The following KCMF1 variants were observed in gnomAD, a reference collection of about 807,000 sequenced individuals.
KCMF1 encodes the protein potassium channel modulatory factor 1, also known as E3 ubiquitin-protein ligase KCMF1.
In KCMF1, 3 loss-of-function variants were observed where a neutral mutation model predicts 41.1. The observed-to-expected ratio is 0.07, with a 90% CI of 0.03 to 0.19. The LOEUF (loss-of-function observed/expected upper bound fraction) is 0.19, where lower values mean the gene tolerates loss of function less well. Ranked by LOEUF, KCMF1 falls within the 10% of genes least tolerant of loss-of-function variation. The pLI, the probability that KCMF1 is intolerant of heterozygous loss-of-function variation, is 1.00. For missense variants in KCMF1, 286 were observed against 488.9 expected, an observed-to-expected ratio of 0.58 and a Z score of 3.91; for synonymous variants, 142 against 164.5, an observed-to-expected ratio of 0.86 and a Z score of 1.04.
intron 1 of KCMF1, among the ~76,000 whole-genome samples, chr2:85,017,103 CAAGCTCCG>C (rs1674790471): frequency 6.7e-6 from 1 of 148,844 alleles, no homozygotes; most frequent in Admixed American, 6.8e-5. Flanking sequence ...CGGCTCACTG[CAAGCTCCG>C]CTTCCCGGGT....
At chr2:84,983,446 TCTC>T (rs1673816251) in intron 1 of KCMF1, among the ~76,000 whole-genome samples, 1 of 151,994 alleles carries the variant, frequency 6.6e-6, no homozygotes, top group Admixed American at 6.6e-5. Context: ...CATACCTCAA[TCTC>T]CTGAGTGGAT....
chr2:85,005,013 T>G (rs1247539137), intron 1 of KCMF1, among the ~76,000 whole-genome samples: 2 of 152,056 alleles, frequency 1.3e-5, no homozygotes, highest in Non-Finnish European at 2.9e-5. Flanking sequence ...TTCAAGTGAT[T>G]CTTCTGCCTC....
rs572862698 is a variant in KCMF1 at position 84,982,834 on chromosome 2, C to T, written c.16+11367C>T. Among the ~76,000 whole-genome samples, 7 of 152,156 alleles carry T rather than the reference C, an allele frequency of 4.6e-5. No individual in the cohort carries two copies. The South Asian group carries it at 1.0e-3, about 23-fold the overall frequency. Reference sequence around the variant, plus strand: ...TTAGGGATTTGTATGTAGTTAATTGCGGTTCTAAGTCAATGTAAATTATAC... The same window carrying T: ...TTAGGGATTTGTATGTAGTTAATTGTGGTTCTAAGTCAATGTAAATTATAC... On this transcript the variant is annotated intron_variant, in intron 1 of 6. Transcript: ENST00000409785.
chr2:85,038,068 TTAAAAG>T (rs766214878), intron 3 of KCMF1, among the ~76,000 whole-genome samples: 1 of 152,244 alleles, frequency 6.6e-6, no homozygotes, highest in Non-Finnish European at 1.5e-5. Context: ...AGAACCATGT[TTAAAAG>T]TAAAACATAA....
chr2:84,991,302 G>T (rs967543739), intron 1 of KCMF1, among the ~76,000 whole-genome samples: 2 of 152,172 alleles, frequency 1.3e-5, no homozygotes, highest in African/African-American at 4.8e-5. Flanking sequence ...CAAGAGTTCT[G>T]TTTCAGGCGT....
intron 1 of KCMF1, among the ~76,000 whole-genome samples, chr2:85,027,439 G>A (rs1193457950): frequency 7.1e-6 from 1 of 140,054 alleles, no homozygotes; most frequent in East Asian, 2.3e-4. Flanking sequence ...GCAGTGGCGC[G>A]ATCTCAGCTC....
intron 1 of KCMF1, among the ~76,000 whole-genome samples, chr2:84,977,946 G>A (rs1167610625): frequency 6.6e-6 from 1 of 151,438 alleles, no homozygotes; most frequent in Non-Finnish European, 1.5e-5. Flanking sequence ...TTTCAAATTG[G>A]GAACTCAATT....
At chr2:85,013,723 G>A (rs1182415175) in intron 1 of KCMF1, among the ~76,000 whole-genome samples, 2 of 150,456 alleles carry the variant, frequency 1.3e-5, no homozygotes, top group Non-Finnish European at 3.0e-5. Context: ...ACTTGACCGC[G>A]GGAGGCAGAA....
intron 2 of KCMF1, among the ~76,000 whole-genome samples, chr2:85,033,780 A>C (rs965415733): frequency 6.6e-6 from 1 of 152,220 alleles, no homozygotes; most frequent in Non-Finnish European, 1.5e-5. Context: ...AAACCATAGC[A>C]ATTACCTACT....
rs1675964774 is a variant in KCMF1 at position 85,057,546 on chromosome 2, A to G, written c.*4137A>G. 6.6e-6 allele frequency: 1 copy of G among 152,250 alleles called. No homozygotes were observed. Among genetic ancestry groups the G allele is most frequent in the African/African-American group, 2.4e-5 (1 of 41,458 alleles). 9.4% of individuals were successfully genotyped at this position (152,250 alleles called of 1,614,324 possible). A position where few individuals can be genotyped will look rare whatever the true frequency, so the allele number is the denominator to read the frequency against. On this transcript the variant is annotated 3_prime_UTR_variant, in exon 7 of 7. Coordinates refer to ENST00000409785, the MANE Select transcript of KCMF1 (RefSeq NM_020122.5). ...AAACATGGCTATGTCTGAGTCAGTC[A>G]TTACGGTATTCCAAAGCCAAATTCA... is the stretch of plus-strand genomic sequence containing the variant.
intron 1 of KCMF1, among the ~76,000 whole-genome samples, chr2:85,008,879 G>A (rs1311001274): frequency 6.7e-6 from 1 of 149,998 alleles, no homozygotes; most frequent in Non-Finnish European, 1.5e-5. Context: ...GTCCTCCCCC[G>A]CTCAGTCTCT....
intron 2 of KCMF1, among the ~76,000 whole-genome samples, chr2:85,031,286 T>A (rs1675260839): frequency 6.6e-6 from 1 of 152,206 alleles, no homozygotes; most frequent in Non-Finnish European, 1.5e-5. Context: ...ATGCTTCCAT[T>A]TTTGTAGGTT....
intron 3 of KCMF1, among the ~76,000 whole-genome samples, chr2:85,039,937 C>G (rs1241518557): frequency 6.6e-6 from 1 of 152,064 alleles, no homozygotes; most frequent in Non-Finnish European, 1.5e-5. Flanking sequence ...CTCAGCCTCC[C>G]GAGTAGCTGG....
intron 2 of KCMF1, among the ~76,000 whole-genome samples, chr2:85,028,391 G>A (rs546345524): frequency 6.6e-6 from 1 of 151,030 alleles, no homozygotes; most frequent in African/African-American, 2.4e-5. Flanking sequence ...CACCACGTTG[G>A]CCAGACTGGT....
chr2:85,003,163 T>C (rs1674373984), intron 1 of KCMF1, among the ~76,000 whole-genome samples: 1 of 152,202 alleles, frequency 6.6e-6, no homozygotes, highest in South Asian at 2.1e-4. Context: ...CAAAACTTTG[T>C]ACGAAGTCCT....
chr2:84,987,182 T>G (rs1673922296), intron 1 of KCMF1, among the ~76,000 whole-genome samples: 1 of 152,202 alleles, frequency 6.6e-6, no homozygotes, highest in Non-Finnish European at 1.5e-5. Context: ...GGATTTTGAT[T>G]GTCATGTGAA....
intron 1 of KCMF1, among the ~76,000 whole-genome samples, chr2:85,025,637 C>T (rs924302120): frequency 6.6e-6 from 1 of 152,082 alleles, no homozygotes; most frequent in Middle Eastern, 3.2e-3. Context: ...AGATAGGAGT[C>T]CCGCTCTGTC....
intron 1 of KCMF1, among the ~76,000 whole-genome samples, chr2:85,005,558 G>C (rs1262328873): frequency 1.3e-5 from 2 of 151,978 alleles, no homozygotes; most frequent in Non-Finnish European, 2.9e-5. Context: ...CCAAAGTGCT[G>C]GGATTACAGG....
chr2:85,056,129 C>T lies in KCMF1; in HGVS notation c.*2720C>T, dbSNP rs1223759227. On this transcript the variant is annotated 3_prime_UTR_variant, in exon 7 of 7. Transcript: ENST00000409785. ...TTGTTTTGTTAAAAAAAAAAAAATCCACAGAAGTAGAACCTAGGTTTGCTA... is the reference window on the plus strand; with the variant it reads ...TTGTTTTGTTAAAAAAAAAAAAATCTACAGAAGTAGAACCTAGGTTTGCTA... The T allele has an allele frequency of 8.6e-5, 13 of 151,406 alleles. No individual in the cohort carries two copies. The highest frequency in any genetic ancestry group is 7.2e-4 in the Admixed American group (11 of 15,222). 9.4% of individuals were successfully genotyped at this position (151,406 alleles called of 1,614,324 possible).
Sources: allele counts gnomAD v4.1 joint callset (sites outside exome capture counted in the v4.1 genomes callset), GRCh38; gene constraint gnomAD v4.1.1; transcripts MANE v1.5; gene names NCBI Gene and HGNC (gene_info 2026-07-23, HGNC 2026-07-21).